MCHR2: variants seen among roughly 807,000 people sequenced by gnomAD.
MCHR2 encodes the protein melanin-concentrating hormone receptor 2.
Under a neutral mutation model 24.8 loss-of-function variants are expected in MCHR2, and 15 were observed. The observed-to-expected ratio is 0.60, with a 90% confidence interval of 0.40 to 0.93. MCHR2 has a LOEUF of 0.93. Ranked by LOEUF, MCHR2 falls within the 40% of genes least tolerant of loss-of-function variation. The probability of loss-of-function intolerance (pLI) is 0.00; values close to 1 mark genes in which losing one functional copy is unlikely to be tolerated. For missense variants in MCHR2, 386 were observed against 408.7 expected, an observed-to-expected ratio of 0.94 and a Z score of 0.48; for synonymous variants, 151 against 147.6, an observed-to-expected ratio of 1.02 and a Z score of -0.17.
chr6:99,991,808 CAAAAAA>C (rs3038469), intron 1 of MCHR2, among the ~76,000 whole-genome samples: 3 of 82,068 alleles, frequency 3.7e-5, no homozygotes, highest in Non-Finnish European at 4.6e-5. Context: ...GACTCCGTCT[CAAAAAA>C]AAAAAAAAAA....
intron 3 of MCHR2, among the ~76,000 whole-genome samples, chr6:99,945,513 T>G (rs1474762393): frequency 2.0e-5 from 3 of 152,100 alleles, no homozygotes. Flanking sequence ...GAAAGCAAAA[T>G]GAGTTATTGG....
chr6:99,943,117 C>A lies in MCHR2; in HGVS notation c.419G>T (p.Arg140Leu), dbSNP rs142176289. Residue 140 changes from arginine (R) to leucine (L), a missense_variant, in exon 4 of 6, where the codon CGA (arginine) becomes CTA (leucine). Physicochemically the swap from Arg to Leu is moderately radical, Grantham distance 102 (BLOSUM62 -2). Coordinates refer to ENST00000281806, the MANE Select transcript of MCHR2 (RefSeq NM_001040179.2). ...GTACCTTGTTCTCCAACGTGTCAGT[C>A]GAAATGGTTGGACGAGGGCAAAGTA... is the stretch of plus-strand genomic sequence containing the variant. ...DRYFALVQPF[R>L]LTRWRTRYKT... 6.2e-6 allele frequency: 10 copies of A among 1,609,604 alleles called. No individual in the cohort carries two copies. In the African/African-American group the frequency reaches 8.0e-5, roughly 13 times the overall value.
intron 1 of MCHR2, among the ~76,000 whole-genome samples, chr6:99,981,604 TATAAC>T (rs1775670537): frequency 6.6e-6 from 1 of 152,172 alleles, no homozygotes; most frequent in East Asian, 1.9e-4. Flanking sequence ...ATGGGAATAA[TATAAC>T]CCATTGCATA....
chr6:99,982,660 T>C (rs749273272), intron 1 of MCHR2, among the ~76,000 whole-genome samples: 10 of 151,588 alleles, frequency 6.6e-5, no homozygotes, highest in African/African-American at 2.4e-4. Context: ...CACACCCAAT[T>C]TTAATTGGGG....
chr6:99,954,429 T>C (rs893552067), intron 2 of MCHR2, among the ~76,000 whole-genome samples: 2 of 152,092 alleles, frequency 1.3e-5, no homozygotes, highest in African/African-American at 4.8e-5. Context: ...CTGAAACTTT[T>C]TGAGGAATAA....
chr6:99,982,236 G>C (rs1775682165), intron 1 of MCHR2, among the ~76,000 whole-genome samples: 1 of 151,782 alleles, frequency 6.6e-6, no homozygotes, highest in African/African-American at 2.4e-5. Context: ...TTTCAAATCT[G>C]CCTCCTAAAT....
intron 5 of MCHR2, 127 bp from the exon 6 acceptor site, chr6:99,921,382 TC>T (rs1582362706): frequency 2.5e-6 from 2 of 786,490 alleles, no homozygotes; most frequent in Non-Finnish European, 2.0e-6. Context: ...ATTATTATAT[TC>T]CTACTTACTT....
chr6:99,971,513 C>T lies in MCHR2; in HGVS notation c.-27-15339G>A, dbSNP rs191415764. On this transcript the variant is annotated intron_variant, in intron 1 of 5. Transcript: ENST00000281806. ...CAATCACGACATCTGCAAACAGGGACAATTTGACTTCCTCTTTTCCTAATT... is the reference window on the plus strand; with the variant it reads ...CAATCACGACATCTGCAAACAGGGATAATTTGACTTCCTCTTTTCCTAATT... Among the ~76,000 whole-genome samples the T allele has an allele frequency of 6.6e-5, 10 of 152,314 alleles. No homozygotes were observed. In the East Asian group the frequency reaches 1.9e-3, roughly 29 times the overall value.
chr6:99,941,525 G>A (rs988616808), intron 4 of MCHR2, among the ~76,000 whole-genome samples: 1 of 152,100 alleles, frequency 6.6e-6, no homozygotes, highest in African/African-American at 2.4e-5. Context: ...AAATATAATG[G>A]TATGAGGAAG....
intron 5 of MCHR2, among the ~76,000 whole-genome samples, chr6:99,928,606 T>A (rs1417400911): frequency 5.3e-5 from 8 of 152,222 alleles, no homozygotes; most frequent in African/African-American, 7.2e-5. Context: ...TTCTTCTAGA[T>A]TTTTTAGTTT....
intron 1 of MCHR2, among the ~76,000 whole-genome samples, chr6:99,968,283 G>C (rs550376578): frequency 6.6e-5 from 10 of 152,290 alleles, no homozygotes; most frequent in African/African-American, 2.2e-4. Context: ...TTGAAACATA[G>C]CACCAGCTTT....
chr6:99,939,022 C>T (rs1277901487), intron 4 of MCHR2, among the ~76,000 whole-genome samples: 1 of 151,874 alleles, frequency 6.6e-6, no homozygotes, highest in East Asian at 1.9e-4. Flanking sequence ...TTTTGACCTC[C>T]AGTTGTATGG....
intron 5 of MCHR2, among the ~76,000 whole-genome samples, chr6:99,926,069 G>A (rs969837820): frequency 4.6e-5 from 7 of 151,826 alleles, no homozygotes; most frequent in Non-Finnish European, 7.4e-5. Flanking sequence ...CCACCTATGA[G>A]TGAGAACATG....
At position 99,952,597 on chromosome 6, in the gene MCHR2, T is replaced by C. The variant is rs558204119; in HGVS notation, c.182+3369A>G. ...TTTATTTAATTCACCTGTCTGTTCA[T>C]AAAGTAACAAATAAAAGATCATGGC... On this transcript the variant is annotated intron_variant, in intron 2 of 5. Transcript: ENST00000281806. 1.4e-3 allele frequency among the ~76,000 whole-genome samples: 219 copies of C among 152,238 alleles called. 1 individual carries two copies. Among genetic ancestry groups the C allele is most frequent in the Non-Finnish European group, 2.9e-3 (195 of 67,994 alleles).
intron 5 of MCHR2, among the ~76,000 whole-genome samples, chr6:99,924,381 A>G (rs1455742041): frequency 6.6e-6 from 1 of 151,554 alleles, no homozygotes; most frequent in Non-Finnish European, 1.5e-5. Context: ...GATCTCTTCT[A>G]TTGTTTTCTT....
chr6:99,935,585 T>C (rs1203536631), intron 4 of MCHR2, among the ~76,000 whole-genome samples: 1 of 151,920 alleles, frequency 6.6e-6, no homozygotes, highest in East Asian at 1.9e-4. Context: ...TGTGTATATA[T>C]ATTATACTTT....
rs1275180285 is a variant in MCHR2 at position 99,919,231 on chromosome 6, T to C, written c.*1709A>G. ...TTCAGATGCTACCTGTCTCAGTGTG[T>C]AGTTCTCATGTGGTTTACAGAACCA... On this transcript the variant is annotated 3_prime_UTR_variant, in exon 6 of 6. Transcript: ENST00000281806. Among the ~76,000 whole-genome samples, 1 of 152,190 alleles carries C rather than the reference T, an allele frequency of 6.6e-6. No homozygotes were observed. The highest frequency in any genetic ancestry group is 1.5e-5 in the Non-Finnish European group (1 of 68,034).
chr6:99,968,863 C>A (rs531367188), intron 1 of MCHR2, among the ~76,000 whole-genome samples: 1 of 152,018 alleles, frequency 6.6e-6, no homozygotes, highest in Non-Finnish European at 1.5e-5. Context: ...AAACAACACA[C>A]TTCCTCATAA....
Position 99,943,108 on chromosome 6 carries a change from C to T in MCHR2, c.428G>A (p.Arg143His), listed in dbSNP as rs772514447. Reference protein sequence around the residue: ...FALVQPFRLTRWRTRYKTIRI... With the variant: ...FALVQPFRLTHWRTRYKTIRI... ...GATGGTCTTGTACCTTGTTCTCCAA[C>T]GTGTCAGTCGAAATGGTTGGACGAG... Residue 143 changes from arginine (R) to histidine (H), a missense_variant, in exon 4 of 6, where the codon CGT becomes CAT. Arg to His is a conservative substitution (Grantham distance 29, BLOSUM62 0). Coordinates refer to ENST00000281806, the MANE Select transcript of MCHR2 (RefSeq NM_001040179.2). 32 of 1,610,292 alleles carry T rather than the reference C, an allele frequency of 2.0e-5. 1 individual carries two copies. In the Middle Eastern group the frequency reaches 5.0e-4, roughly 25 times the overall value.
Sources: allele counts gnomAD v4.1 joint callset (sites outside exome capture counted in the v4.1 genomes callset), GRCh38; gene constraint gnomAD v4.1.1; transcripts MANE v1.5; gene names NCBI Gene and HGNC (gene_info 2026-07-23, HGNC 2026-07-21).